TUFM: variants seen among roughly 807,000 people sequenced by gnomAD.
The protein encoded by TUFM is elongation factor Tu, mitochondrial.
Under a neutral mutation model 45.0 loss-of-function variants are expected in TUFM, and 23 were observed. The ratio of observed to expected loss-of-function variants is 0.51; its 90% CI spans 0.37 to 0.72. The LOEUF is 0.72. TUFM is among the 30% of genes least tolerant of loss of function. The probability of loss-of-function intolerance (pLI) is 0.00; values close to 1 mark genes in which losing one functional copy is unlikely to be tolerated. For synonymous variants in TUFM, 243 were observed against 252.9 expected, an observed-to-expected ratio of 0.96 and a Z score of 0.37; for missense variants, 490 against 610.7, an observed-to-expected ratio of 0.80 and a Z score of 2.08.
chr16:28,845,954 C>G lies in TUFM; in HGVS notation c.205G>C (p.Val69Leu). ...PHVNVGTIGH[V>L]DHGKTTLTAA... ...GTCAGCGTGGTCTTCCCGTGGTCCACATGGCCGATGGTACCCACATTCACA... is the reference window on the plus strand; with the variant it reads ...GTCAGCGTGGTCTTCCCGTGGTCCAGATGGCCGATGGTACCCACATTCACA... Residue 69 changes from valine to leucine, a missense_variant, in exon 2 of 10, where the codon GTG becomes CTG. Physicochemically the swap from Val to Leu is conservative, Grantham distance 32. Transcript: ENST00000313511. 6.2e-7 allele frequency: 1 copy of G among 1,614,162 alleles called. No individual in the cohort carries two copies. The highest frequency in any genetic ancestry group is 8.5e-7 in the Non-Finnish European group (1 of 1,180,040).
At chr16:28,845,722 T>C (rs899282317) in intron 2 of TUFM, among the ~76,000 whole-genome samples, 190 bp downstream of exon 2, 4 of 152,126 alleles carry the variant, frequency 2.6e-5, no homozygotes, top group Admixed American at 1.3e-4. Context: ...CCCCAAGCCA[T>C]TGGTGGATCA....
intron 8 of TUFM, 24 bp from the exon 9 acceptor site, chr16:28,843,879 G>T (rs747094135): frequency 6.2e-7 from 1 of 1,614,082 alleles, no homozygotes; most frequent in Admixed American, 1.7e-5. Context: ...AGCAATGACG[G>T]TGAGCTGGGC....
Position 28,844,407 on chromosome 16 carries a change from C to CAG in TUFM, c.817+10_817+11dup. The CAG allele has an allele frequency of 6.2e-7, 1 of 1,614,216 alleles. No homozygotes were observed. The highest frequency in any genetic ancestry group is 8.5e-7 in the Non-Finnish European group (1 of 1,180,036). ...GCTAGAGAGAGTGCGTGGGAACAGA[C>CAG]AGAGTCCTCACCAGGGACGGAGTAC... is the stretch of plus-strand genomic sequence containing the variant. On this transcript the variant is annotated intron_variant, in intron 6 of 9. Coordinates refer to ENST00000313511, the MANE Select transcript of TUFM (RefSeq NM_003321.5). This position sits in a 1 kb window ranked among gnomAD's most constrained non-coding sequence, Gnocchi z 5.8.
chr16:28,846,313 C>T lies in TUFM; in HGVS notation c.-44G>A, dbSNP rs781545296. ...GGGGAGCCGGGACCAGGAGCCCGAG[C>T]GCACAGAAGAAGAAGGGCGCCTGCG... On this transcript the variant is annotated 5_prime_UTR_variant, in exon 1 of 10. Coordinates refer to ENST00000313511, the MANE Select transcript of TUFM (RefSeq NM_003321.5). The T allele has an allele frequency of 1.9e-6, 3 of 1,542,446 alleles. No individual in the cohort carries two copies. The highest frequency in any genetic ancestry group is 1.4e-5 in the African/African-American group (1 of 72,750).
In TUFM at chr16:28,844,039, C is replaced by T. The variant is rs866119638; in HGVS notation, c.985G>A (p.Val329Ile). 1 of 1,614,098 alleles carries T rather than the reference C, an allele frequency of 6.2e-7. No individual in the cohort carries two copies. Among genetic ancestry groups the T allele is most frequent in the Non-Finnish European group, 8.5e-7 (1 of 1,180,052 alleles). Residue 329 changes from valine (V) to isoleucine (I), a missense_variant, in exon 8 of 10, where the codon GTC becomes ATC. Val to Ile is a conservative substitution (Grantham distance 29). Transcript: ENST00000313511. This position sits in a 1 kb window ranked among gnomAD's most constrained non-coding sequence, Gnocchi z 5.8. ...AAGTCCTCCCGCTTCAAGCCTCGGA[C>T]CAGGGCCCCGAGGTTATCTCCGGCC... ...AEAGDNLGAL[V>I]RGLKREDLRR...
In TUFM at chr16:28,843,078, C is replaced by T; in HGVS notation, c.1265G>A (p.Gly422Asp). Residue 422 changes from glycine (G) to aspartate (D), a missense_variant, in exon 10 of 10, where the codon GGC (glycine) becomes GAC (aspartate). Transcript: ENST00000313511. ...ILRQPMILEK[G>D]QRFTLRDGNR... ...GCCATCTCGCAGGGTGAAACGCTGG[C>T]CTTTCTCTAAGATCATTGGCTGCCG... 6.2e-7 allele frequency: 1 copy of T among 1,614,190 alleles called. No homozygotes were observed. Among genetic ancestry groups the T allele is most frequent in the Non-Finnish European group, 8.5e-7 (1 of 1,180,036 alleles).
At position 28,844,396 on chromosome 16, in the gene TUFM, G is replaced by T; in HGVS notation, c.817+23C>A. 1 of 1,614,142 alleles carries T rather than the reference G, an allele frequency of 6.2e-7. No individual in the cohort carries two copies. The highest frequency in any genetic ancestry group is 8.5e-7 in the Non-Finnish European group (1 of 1,180,014). On this transcript the variant is annotated intron_variant, in intron 6 of 9. Coordinates refer to ENST00000313511, the MANE Select transcript of TUFM (RefSeq NM_003321.5). The surrounding 1 kb of genome is among the most constrained non-coding windows in gnomAD (Gnocchi z 5.8). ...GCTAGGCTTCTGCTAGAGAGAGTGC[G>T]TGGGAACAGACAGAGTCCTCACCAG...
chr16:28,846,078 C>A lies in TUFM; in HGVS notation c.81G>T (p.Leu27=), dbSNP rs763585960. 11 of 1,613,804 alleles carry A rather than the reference C, an allele frequency of 6.8e-6. No individual in the cohort carries two copies. The Admixed American group carries it at 1.8e-4, about 27-fold the overall frequency. Residue 27 remains leucine (L), a synonymous_variant, in exon 2 of 10, where the codon CTG becomes CTT. Coordinates refer to ENST00000313511, the MANE Select transcript of TUFM (RefSeq NM_003321.5). ...CTTTCAGCAGCCGCAACAGACCCTG[C>A]AGCAGGAAGGTCCGGCCGGCGGCGA... ...SGLAAGRTFL[L]QGLLRLLKAP...
At position 28,844,279 on chromosome 16, in the gene TUFM, G is replaced by A. The variant is rs140783582; in HGVS notation, c.873C>T (p.Asp291=). 8.6e-5 allele frequency: 138 copies of A among 1,614,000 alleles called. No homozygotes were observed. Among genetic ancestry groups the A allele is most frequent in the Middle Eastern group, 1.6e-4 (1 of 6,084 alleles). ...TGCTATGTCCTAGGAGCTCACACTC[G>A]TCTCCCTTCTTTAAAATGCCACGCT... ...TLERGILKKG[D]ECELLGHSKN... The change falls in exon 7 of 10, where the codon GAC becomes GAT. Residue 291 remains aspartate (D), a synonymous_variant. Coordinates refer to ENST00000313511, the MANE Select transcript of TUFM (RefSeq NM_003321.5). The surrounding 1 kb of genome is among the most constrained non-coding windows in gnomAD (Gnocchi z 5.8).
rs759117049 is a variant in TUFM at position 28,845,029 on chromosome 16, G to A, written c.441C>T (p.Leu147=). Residue 147 remains leucine, a synonymous_variant, in exon 4 of 10, where the codon CTC becomes CTT. Transcript: ENST00000313511. The part of the protein sequence containing the change: ...VKNMITGTAP[L]DGCILVVAAN... ...CTGCTACCACCAGGATGCAGCCGTC[G>A]AGGGGTGCAGTGCCTGTGATCATAT... 8 of 1,614,022 alleles carry A rather than the reference G, an allele frequency of 5.0e-6. No individual in the cohort carries two copies. In the Admixed American group the frequency reaches 8.3e-5, roughly 17 times the overall value.
Position 28,844,833 on chromosome 16 carries a change from C to T in TUFM, c.549G>A (p.Val183=). 1 of 1,614,208 alleles carries T rather than the reference C, an allele frequency of 6.2e-7. No individual in the cohort carries two copies. Among genetic ancestry groups the T allele is most frequent in the East Asian group, 2.2e-5 (1 of 44,886 alleles). Residue 183 remains valine (V), a synonymous_variant, in exon 5 of 10, where the codon GTG becomes GTA. Coordinates refer to ENST00000313511, the MANE Select transcript of TUFM (RefSeq NM_003321.5). The surrounding 1 kb of genome is among the most constrained non-coding windows in gnomAD (Gnocchi z 5.8). The part of the protein sequence containing the change: ...QIGVEHVVVY[V]NKADAVQDSE... ...AGTCCTGGACAGCGTCAGCCTTGTTCACATACACCACCACATGCTCCACCC... is the reference window on the plus strand; with the variant it reads ...AGTCCTGGACAGCGTCAGCCTTGTTTACATACACCACCACATGCTCCACCC...
chr16:28,843,589 C>G (rs940331974), intron 9 of TUFM, 147 bp downstream of exon 9: 2 of 1,218,528 alleles, frequency 1.6e-6, no homozygotes, highest in African/African-American at 3.0e-5. Context: ...CATGCCCCTT[C>G]TGTTGGCTAG....
rs1156259624 is a variant in TUFM, at chr16:28,843,846, G to A, written c.1084C>T (p.Leu362Phe). 3 of 1,614,196 alleles carry A rather than the reference G, an allele frequency of 1.9e-6. No homozygotes were observed. Among genetic ancestry groups the A allele is most frequent in the Admixed American group, 1.7e-5 (1 of 60,018 alleles). ...TGGCGGCCACCTTCCTCCTTGCTGAGGATGTAAACCTGGAGGAGAGCAAGC... is the reference window on the plus strand; with the variant it reads ...TGGCGGCCACCTTCCTCCTTGCTGAAGATGTAAACCTGGAGGAGAGCAAGC... ...HQKVEAQVYI[L>F]SKEEGGRHKP... Residue 362 changes from leucine to phenylalanine, a missense_variant, in exon 9 of 10, where the codon CTC becomes TTC. Leu to Phe is a conservative substitution (Grantham distance 22, BLOSUM62 0). Coordinates refer to ENST00000313511, the MANE Select transcript of TUFM (RefSeq NM_003321.5).
Position 28,846,330 on chromosome 16 carries a change from G to T in TUFM, c.-61C>A. Reference sequence around the variant, plus strand: ...AGCCCGAGCGCACAGAAGAAGAAGGGCGCCTGCGGCTGGAAGGCACTTCCG... The same window carrying T: ...AGCCCGAGCGCACAGAAGAAGAAGGTCGCCTGCGGCTGGAAGGCACTTCCG... On this transcript the variant is annotated 5_prime_UTR_variant, in exon 1 of 10. Transcript: ENST00000313511. 1 of 1,512,462 alleles carries T rather than the reference G, an allele frequency of 6.6e-7. No individual in the cohort carries two copies. Among genetic ancestry groups the T allele is most frequent in the South Asian group, 1.2e-5 (1 of 82,742 alleles). 93.7% of individuals were successfully genotyped at this position (1,512,462 alleles called of 1,614,324 possible). A position where few individuals can be genotyped will look rare whatever the true frequency, so the allele number is the denominator to read the frequency against.
rs1250496886 is a variant in TUFM at position 28,843,843 on chromosome 16, T to C, written c.1087A>G (p.Ser363Gly). ...TTGTGGCGGCCACCTTCCTCCTTGC[T>C]GAGGATGTAAACCTGGAGGAGAGCA... ...QKVEAQVYILSKEEGGRHKPF... is the reference protein window; with the variant it reads ...QKVEAQVYILGKEEGGRHKPF... Residue 363 changes from serine (S) to glycine (G), a missense_variant, in exon 9 of 10, where the codon AGC (serine) becomes GGC (glycine). Physicochemically the swap from Ser to Gly is moderately conservative, Grantham distance 56. Transcript: ENST00000313511. 1 of 1,614,204 alleles carries C rather than the reference T, an allele frequency of 6.2e-7. No individual in the cohort carries two copies. The highest frequency in any genetic ancestry group is 1.7e-5 in the Admixed American group (1 of 60,020).
At chr16:28,845,524 C>G in intron 2 of TUFM, 44 bp from the exon 3 acceptor site, 1 of 1,612,786 alleles carries the variant, frequency 6.2e-7, no homozygotes, top group East Asian at 2.2e-5. Flanking sequence ...AGTTCCAGTG[C>G]TAGAGGCAGA....
rs962817639 is a variant in TUFM, at chr16:28,842,554, C to A, written c.*421G>T. 3.6e-6 allele frequency: 1 copy of A among 274,050 alleles called. No homozygotes were observed. The highest frequency in any genetic ancestry group is 2.2e-5 in the African/African-American group (1 of 45,166). 17.0% of individuals were successfully genotyped at this position (274,050 alleles called of 1,614,324 possible). ...CCGAGGAAACAAGATGGGTTTGGCA[C>A]CTGAGCTGAAGCCATGCTGGCTCCA... On this transcript the variant is annotated 3_prime_UTR_variant, in exon 10 of 10. Transcript: ENST00000313511.
chr16:28,844,151 C>T lies in TUFM; in HGVS notation c.923-50G>A. ...AGGGAGAAGGAAGGCGAATGTGAGA[C>T]AGAGGGAAGGCACAAGGGATCTGCC... On this transcript the variant is annotated intron_variant, in intron 7 of 9. Transcript: ENST00000313511. The surrounding 1 kb of genome is among the most constrained non-coding windows in gnomAD (Gnocchi z 5.8). 1.2e-6 allele frequency: 2 copies of T among 1,613,996 alleles called. No homozygotes were observed. Among genetic ancestry groups the T allele is most frequent in the Non-Finnish European group, 1.7e-6 (2 of 1,179,832 alleles).
chr16:28,843,292 G>A (rs934056704), intron 9 of TUFM, 144 bp from the exon 10 acceptor site: 9 of 852,576 alleles, frequency 1.1e-5, no homozygotes, highest in Non-Finnish European at 1.5e-5. Flanking sequence ...TCCATCCCAG[G>A]CTGTCAGGCA....
Sources: gnomAD v4.1 joint callset for allele counts (sites outside exome capture counted in the v4.1 genomes callset) on GRCh38, gnomAD v4.1.1 for gene constraint, Gnocchi (gnomAD v3.1) non-coding constraint, MANE v1.5 for transcripts, NCBI Gene and HGNC (gene_info 2026-07-23, HGNC 2026-07-21) for gene names.